TCF7L2: variants seen among roughly 807,000 people sequenced by gnomAD.
The protein encoded by TCF7L2 is transcription factor 7-like 2.
TCF7L2 carries 23 observed loss-of-function variants against 77.9 expected under a neutral mutation model. The observed-to-expected ratio is 0.30, with a 90% CI of 0.21 to 0.42. TCF7L2 has a LOEUF of 0.42. Ranked by LOEUF, TCF7L2 falls within the 10% of genes least tolerant of loss-of-function variation. TCF7L2 has a pLI of 1.00. For synonymous variants in TCF7L2, 413 were observed against 340.2 expected, an observed-to-expected ratio of 1.21 and a Z score of -2.36; for missense variants, 654 against 793.1, an observed-to-expected ratio of 0.82 and a Z score of 2.11.
At chr10:112,965,627 A>ATGTGTG (rs1266429335) in intron 4 of TCF7L2, among the ~76,000 whole-genome samples, 3 of 68,194 alleles carry the variant, frequency 4.4e-5, no homozygotes, top group African/African-American at 1.4e-4. Flanking sequence ...GTGTGTGTGT[A>ATGTGTG]TATGTGTGTG....
chr10:113,132,842 T>C (rs1328386829), intron 5 of TCF7L2: 1 of 152,182 alleles, frequency 6.6e-6, no homozygotes, highest in Non-Finnish European at 1.5e-5. Flanking sequence ...TGGCTGGTTC[T>C]TCATCCCTGA....
intron 5 of TCF7L2, among the ~76,000 whole-genome samples, chr10:113,078,721 C>T (rs534143144): frequency 2.0e-5 from 3 of 152,150 alleles, no homozygotes; most frequent in African/African-American, 4.8e-5. Context: ...ATGTTATCTC[C>T]GGTGGCTGAA....
rs998765811 is a variant in TCF7L2, at chr10:113,018,445, T to C, written c.451-21580T>C. On this transcript the variant is annotated intron_variant, in intron 4 of 13. Transcript: ENST00000627217. ...TCCTTGCAGGCTTTCTCCTGAGTCC[T>C]TTTTTTTTTTTTTTTTTTTTTTTTA... 1.1e-4 allele frequency among the ~76,000 whole-genome samples: 4 copies of C among 35,176 alleles called. No homozygotes were observed. In the South Asian group the frequency reaches 2.9e-3, roughly 25 times the overall value. 23.1% of individuals were successfully genotyped at this position (35,176 alleles called of 152,430 possible). A position where few individuals can be genotyped will look rare whatever the true frequency, so the allele number is the denominator to read the frequency against.
intron 6 of TCF7L2, among the ~76,000 whole-genome samples, chr10:113,141,609 T>A (rs1592229031): frequency 6.6e-6 from 1 of 152,102 alleles, no homozygotes; most frequent in Non-Finnish European, 1.5e-5. Flanking sequence ...TGGCTATGAG[T>A]CCTCAGTATG....
intron 11 of TCF7L2, 55 bp downstream of exon 11, chr10:113,152,495 A>C (rs1010932094): frequency 6.8e-7 from 1 of 1,463,300 alleles, no homozygotes; most frequent in East Asian, 2.3e-5. Flanking sequence ...TTGTGCGTCT[A>C]TACGGACAAA....
intron 4 of TCF7L2, among the ~76,000 whole-genome samples, chr10:113,000,215 G>C (rs2133324879): frequency 6.6e-6 from 1 of 152,316 alleles, no homozygotes; most frequent in South Asian, 2.1e-4. Flanking sequence ...GTCTCACTCT[G>C]TTTGTTTACT....
chr10:113,142,717 GC>G (rs969216789), intron 6 of TCF7L2, among the ~76,000 whole-genome samples: 1 of 152,204 alleles, frequency 6.6e-6, no homozygotes. Context: ...CCTCCAGCCG[GC>G]CCCAGGCTCC....
intron 4 of TCF7L2, among the ~76,000 whole-genome samples, chr10:112,969,866 A>G (rs911306833): frequency 1.3e-5 from 2 of 152,202 alleles, no homozygotes; most frequent in Admixed American, 1.3e-4. Context: ...GTGATTGTAG[A>G]TAATGTTTAG....
intron 5 of TCF7L2, among the ~76,000 whole-genome samples, chr10:113,045,193 A>T (rs573620963): frequency 6.6e-6 from 1 of 152,264 alleles, no homozygotes; most frequent in East Asian, 1.9e-4. Context: ...AGCATGCTAG[A>T]CACCAAGAGA....
In TCF7L2 at chr10:113,098,908, T is replaced by A. The variant is rs1276555566; in HGVS notation, c.553-42276T>A. Among the ~76,000 whole-genome samples, 3 of 152,178 alleles carry A rather than the reference T, an allele frequency of 2.0e-5. 1 individual carries two copies. Among genetic ancestry groups the A allele is most frequent in the Non-Finnish European group, 4.4e-5 (3 of 68,040 alleles). On this transcript the variant is annotated intron_variant, in intron 5 of 13. Coordinates refer to ENST00000627217, the MANE Select transcript of TCF7L2 (RefSeq NM_001146274.2). The stretch of plus-strand genomic sequence containing the variant: ...GAGATGTGGGTTTTATTTTTATTAT[T>A]TTCTCCATTTGATAGATAGTGCCGA...
chr10:112,981,886 G>A (rs910933512), intron 4 of TCF7L2, among the ~76,000 whole-genome samples: 1 of 152,184 alleles, frequency 6.6e-6, no homozygotes, highest in Non-Finnish European at 1.5e-5. Context: ...CTGGTCGGTG[G>A]AAGTCTCAGG....
At chr10:113,058,736 T>G (rs2055855734) in intron 5 of TCF7L2, among the ~76,000 whole-genome samples, 1 of 151,930 alleles carries the variant, frequency 6.6e-6, no homozygotes, top group African/African-American at 2.4e-5. Flanking sequence ...TACGTTAATA[T>G]GGAGAGATGG....
chr10:113,084,787 A>G (rs748636636), intron 5 of TCF7L2, among the ~76,000 whole-genome samples: 32 of 151,730 alleles, frequency 2.1e-4, no homozygotes, highest in African/African-American at 7.3e-4. Context: ...ATTCCCAGCT[A>G]CTCGGGAGGC....
At chr10:112,970,366 T>G (rs1218981570) in intron 4 of TCF7L2, among the ~76,000 whole-genome samples, 1 of 151,576 alleles carries the variant, frequency 6.6e-6, no homozygotes, top group Non-Finnish European at 1.5e-5. Flanking sequence ...TTCTGCTTGG[T>G]CTTAGAACTC....
chr10:113,132,670 A>G (rs2066778892), intron 5 of TCF7L2, among the ~76,000 whole-genome samples: 2 of 152,218 alleles, frequency 1.3e-5, no homozygotes, highest in South Asian at 4.1e-4. Context: ...TCTCCTAGAA[A>G]CAGCTGTACT....
At chr10:113,135,306 C>A (rs749211031) in intron 5 of TCF7L2, among the ~76,000 whole-genome samples, 3 of 152,300 alleles carry the variant, frequency 2.0e-5, no homozygotes, top group Middle Eastern at 3.4e-3. Context: ...CATTCCCCCC[C>A]ACTGTAGTCG....
intron 11 of TCF7L2, among the ~76,000 whole-genome samples, chr10:113,157,600 A>G (rs1006536969): frequency 6.6e-6 from 1 of 152,188 alleles, no homozygotes; most frequent in Non-Finnish European, 1.5e-5. Context: ...GCAGCCCTTG[A>G]AGCTGGTGCG....
At chr10:113,156,106 T>C (rs2071812918) in intron 11 of TCF7L2, among the ~76,000 whole-genome samples, 1 of 139,444 alleles carries the variant, frequency 7.2e-6, no homozygotes, top group South Asian at 2.4e-4. Context: ...TTCTCGAGTT[T>C]CTTTCTTTCT....
At chr10:112,965,629 A>ATGTGTGTG (rs59587175) in intron 4 of TCF7L2, among the ~76,000 whole-genome samples, 79 of 137,322 alleles carry the variant, frequency 5.8e-4, no homozygotes, top group African/African-American at 2.0e-3. Context: ...GTGTGTGTAT[A>ATGTGTGTG]TGTGTGTGTG....
Sources: gnomAD v4.1 joint callset for allele counts (sites outside exome capture counted in the v4.1 genomes callset) on GRCh38, gnomAD v4.1.1 for gene constraint, MANE v1.5 for transcripts, NCBI Gene and HGNC (gene_info 2026-07-23, HGNC 2026-07-21) for gene names.